The following MINPP1 variants were observed in gnomAD, a reference collection of about 807,000 sequenced individuals.
MINPP1 encodes the protein multiple inositol-polyphosphate phosphatase 1.
A neutral mutation model predicts 46.1 loss-of-function variants in MINPP1; 28 were observed. The observed-to-expected ratio is 0.61, with a 90% CI of 0.45 to 0.83. The LOEUF (loss-of-function observed/expected upper bound fraction) is 0.83, where lower values mean the gene tolerates loss of function less well. Ranked by LOEUF, MINPP1 falls within the 40% of genes least tolerant of loss-of-function variation. The pLI, the probability that MINPP1 is intolerant of heterozygous loss-of-function variation, is 0.00. For synonymous variants in MINPP1, 268 were observed against 249.1 expected (o/e 1.08, Z -0.72); for missense variants, 603 against 610.0 (o/e 0.99, Z 0.12).
At chr10:87,525,378 T>A (rs1158586416) in intron 4 of MINPP1, among the ~76,000 whole-genome samples, 1 of 152,252 alleles carries the variant, frequency 6.6e-6, no homozygotes, top group Non-Finnish European at 1.5e-5. Flanking sequence ...ATAAATGGAA[T>A]GATATAATAT....
intron 4 of MINPP1, among the ~76,000 whole-genome samples, chr10:87,541,842 G>A (rs1851819705): frequency 1.3e-5 from 2 of 152,110 alleles, no homozygotes; most frequent in African/African-American, 4.8e-5. Flanking sequence ...GTCACCAAGG[G>A]GATGATGCTA....
chr10:87,543,095 C>T (rs966264832), intron 4 of MINPP1, among the ~76,000 whole-genome samples: 1 of 152,178 alleles, frequency 6.6e-6, no homozygotes, highest in South Asian at 2.1e-4. Context: ...TTACCCCTGT[C>T]ACATCCTAGC....
chr10:87,506,369 A>G (rs1382286875), intron 1 of MINPP1, among the ~76,000 whole-genome samples: 1 of 152,138 alleles, frequency 6.6e-6, no homozygotes, highest in Non-Finnish European at 1.5e-5. Context: ...TTCTCTTAGA[A>G]AATGTTGTAA....
chr10:87,511,459 GT>G (rs1851333803), intron 2 of MINPP1, among the ~76,000 whole-genome samples: 1 of 151,330 alleles, frequency 6.6e-6, no homozygotes, highest in South Asian at 2.1e-4. Context: ...GGTCTATTTC[GT>G]TTTTTAAATA....
rs1459990465 is a variant in MINPP1, at chr10:87,505,616, C to G, written c.637+64C>G. 5.4e-6 allele frequency: 8 copies of G among 1,484,458 alleles called. No homozygotes were observed. Among genetic ancestry groups the G allele is most frequent in the Non-Finnish European group, 7.3e-6 (8 of 1,100,864 alleles). 92.0% of individuals were successfully genotyped at this position (1,484,458 alleles called of 1,614,324 possible). A position where few individuals can be genotyped will look rare whatever the true frequency, so the allele number is the denominator to read the frequency against. ...CCACCCGCCCTGGATGCTCTCCCGC[C>G]TCCCCCAGACCCTGGGCTTTTCCGA... On this transcript the variant is annotated intron_variant, in intron 1 of 4. Coordinates refer to ENST00000371996, the MANE Select transcript of MINPP1 (RefSeq NM_004897.5). The surrounding 1 kb of genome is among the most constrained non-coding windows in gnomAD (Gnocchi z 4.4).
chr10:87,526,898 G>A (rs1264025558), intron 4 of MINPP1, among the ~76,000 whole-genome samples: 1 of 152,032 alleles, frequency 6.6e-6, no homozygotes, highest in Non-Finnish European at 1.5e-5. Flanking sequence ...CTGTTCCATT[G>A]GTCTATATCT....
chr10:87,541,957 A>T (rs1157036483), intron 4 of MINPP1, among the ~76,000 whole-genome samples: 1 of 152,186 alleles, frequency 6.6e-6, no homozygotes, highest in Non-Finnish European at 1.5e-5. Flanking sequence ...GGGGACAAAC[A>T]TCCAAACCAT....
At chr10:87,539,209 T>C (rs750957852) in intron 4 of MINPP1, among the ~76,000 whole-genome samples, 1 of 152,244 alleles carries the variant, frequency 6.6e-6, no homozygotes, top group Non-Finnish European at 1.5e-5. Context: ...CAGACATTTA[T>C]ATAGATTACT....
At chr10:87,543,716 T>G (rs938403739) in intron 4 of MINPP1, among the ~76,000 whole-genome samples, 3 of 152,192 alleles carry the variant, frequency 2.0e-5, no homozygotes, top group African/African-American at 7.2e-5. Context: ...AAATAAATTT[T>G]TTAAAAAGAA....
chr10:87,539,027 T>A (rs929537674), intron 4 of MINPP1, among the ~76,000 whole-genome samples: 4 of 152,196 alleles, frequency 2.6e-5, no homozygotes, highest in African/African-American at 9.6e-5. Context: ...TAAACTTTGT[T>A]TTTGGTTGAA....
chr10:87,547,611 T>C lies in MINPP1; in HGVS notation c.1068-4471T>C, dbSNP rs1282241834. 3.3e-5 allele frequency among the ~76,000 whole-genome samples: 5 copies of C among 152,372 alleles called. No individual in the cohort carries two copies. The East Asian group carries it at 7.7e-4, about 23-fold the overall frequency. Reference sequence around the variant, plus strand: ...TTTGCATTTGGATCTTTAGCACTTTTGGATATCTGATGAATTTTAACATAT... The same window carrying C: ...TTTGCATTTGGATCTTTAGCACTTTCGGATATCTGATGAATTTTAACATAT... On this transcript the variant is annotated intron_variant, in intron 4 of 4. Transcript: ENST00000371996.
At chr10:87,539,809 A>T (rs1277056551) in intron 4 of MINPP1, among the ~76,000 whole-genome samples, 2 of 152,208 alleles carry the variant, frequency 1.3e-5, no homozygotes, top group Non-Finnish European at 1.5e-5. Context: ...AGATGCAGTG[A>T]GGATTGAGTG....
intron 2 of MINPP1, among the ~76,000 whole-genome samples, chr10:87,510,935 A>G (rs12249817): frequency 0.11 from 17,122 of 152,190 alleles, 2,047 homozygotes; most frequent in East Asian, 0.31. Context: ...TCATTTTCCC[A>G]TATCTTCCAA....
chr10:87,536,886 T>G (rs1589382155), intron 4 of MINPP1, among the ~76,000 whole-genome samples: 1 of 152,342 alleles, frequency 6.6e-6, no homozygotes, highest in Non-Finnish European at 1.5e-5. Context: ...ATTTGATTTC[T>G]TGGGAACCTA....
intron 4 of MINPP1, among the ~76,000 whole-genome samples, chr10:87,533,527 T>C (rs1167256631): frequency 1.3e-5 from 2 of 152,170 alleles, no homozygotes; most frequent in Admixed American, 1.3e-4. Context: ...ACTGTCTCCT[T>C]CCCCATATAT....
intron 4 of MINPP1, among the ~76,000 whole-genome samples, chr10:87,536,482 A>C (rs1337559793): frequency 2.0e-5 from 3 of 152,176 alleles, no homozygotes; most frequent in African/African-American, 7.2e-5. Context: ...TTACATATAT[A>C]TATACGCCCA....
chr10:87,540,495 T>TCACACACACACACACACA (rs3062345), intron 4 of MINPP1, among the ~76,000 whole-genome samples: 14 of 149,060 alleles, frequency 9.4e-5, no homozygotes, highest in African/African-American at 3.2e-4. Flanking sequence ...TCTCTCTCTG[T>TCACACACACACACACACA]CACACACACA....
rs773018229 is a variant in MINPP1, at chr10:87,505,261, G to A, written c.346G>A (p.Asp116Asn). The A allele has an allele frequency of 3.1e-6, 5 of 1,612,270 alleles. No individual in the cohort carries two copies. Among genetic ancestry groups the A allele is most frequent in the East Asian group, 4.5e-5 (2 of 44,840 alleles). The change falls in exon 1 of 5, where the codon GAT becomes AAT. Residue 116 changes from aspartate to asparagine, a missense_variant. Physicochemically the swap from Asp to Asn is conservative, Grantham distance 23 (BLOSUM62 1). Around this residue, in one of 3 missense-constraint regions of MINPP1, gnomAD observed 239 missense variants for 189.4 expected, o/e 1.26. Coordinates refer to ENST00000371996, the MANE Select transcript of MINPP1 (RefSeq NM_004897.5). This position sits in a 1 kb window ranked among gnomAD's most constrained non-coding sequence, Gnocchi z 4.4. Reference sequence around the variant, plus strand: ...GTTGCTGCAGGCCCGCGGGTCCAGGGATGGCGGGGCTAGTAGTACCGGCAG... The same window carrying A: ...GTTGCTGCAGGCCCGCGGGTCCAGGAATGGCGGGGCTAGTAGTACCGGCAG... ...HGLLQARGSR[D>N]GGASSTGSRD...
In MINPP1 at chr10:87,520,108, A is replaced by G. The variant is rs549971476; in HGVS notation, c.934-928A>G. 7.8e-5 allele frequency among the ~76,000 whole-genome samples: 11 copies of G among 141,128 alleles called. No homozygotes were observed. In the East Asian group the frequency reaches 2.4e-3, roughly 30 times the overall value. The allele number at this position is 141,128 out of a possible 152,430, so 92.6% of individuals were successfully genotyped here. On this transcript the variant is annotated intron_variant, in intron 3 of 4. Transcript: ENST00000371996. ...TAATAAATGGTATTATAGGGTATGT[A>G]TTATTTTTAATGGGTTCTTATTCAA...
Sources: gnomAD v4.1 joint callset for allele counts (sites outside exome capture counted in the v4.1 genomes callset) on GRCh38, gnomAD v4.1.1 for gene constraint, gnomAD v4.1.1 regional missense constraint, Gnocchi (gnomAD v3.1) non-coding constraint, MANE v1.5 for transcripts, NCBI Gene and HGNC (gene_info 2026-07-23, HGNC 2026-07-21) for gene names.